Variants in ARHGAP15 observed in about 807,000 individuals in gnomAD.
ARHGAP15 encodes the protein rho GTPase-activating protein 15.
ARHGAP15 carries 51 observed loss-of-function variants against 63.7 expected under a neutral mutation model. The observed-to-expected ratio is 0.80, with a 90% CI of 0.64 to 1.01. The LOEUF (loss-of-function observed/expected upper bound fraction) is 1.01. ARHGAP15 is among the 50% of genes least tolerant of loss of function. The pLI is 0.00. For synonymous variants in ARHGAP15, 191 were observed against 193.8 expected (o/e 0.99, Z 0.12); for missense variants, 560 against 564.6 (o/e 0.99, Z 0.08).
At chr2:143,344,290 A>G (rs1366609531) in intron 6 of ARHGAP15, 1 of 152,162 alleles carries the variant, frequency 6.6e-6, no homozygotes, top group Non-Finnish European at 1.5e-5. Flanking sequence ...TGCATTTATC[A>G]AGAGCAGAAA....
At chr2:143,293,206 C>T (rs906862711) in intron 6 of ARHGAP15, among the ~76,000 whole-genome samples, 10 of 151,988 alleles carry the variant, frequency 6.6e-5, no homozygotes, top group African/African-American at 2.4e-4. Flanking sequence ...ACCCAATGGT[C>T]TCGAGAATCT....
rs73961837 is a variant in ARHGAP15 at position 143,689,464 on chromosome 2, G to A, written c.1139-13955G>A. 1.6e-3 allele frequency among the ~76,000 whole-genome samples: 236 copies of A among 152,164 alleles called. 2 individuals carry two copies. The highest frequency in any genetic ancestry group is 9.5e-3 in the South Asian group (46 of 4,822). On this transcript the variant is annotated intron_variant, in intron 12 of 13. Coordinates refer to ENST00000295095, the MANE Select transcript of ARHGAP15 (RefSeq NM_018460.4). Reference sequence around the variant, plus strand: ...CTCTGAGTTCTTTCATAGGTCAAACGTTGTTGGAAATTTTGTTATGTTTAC... The same window carrying A: ...CTCTGAGTTCTTTCATAGGTCAAACATTGTTGGAAATTTTGTTATGTTTAC...
intron 6 of ARHGAP15, among the ~76,000 whole-genome samples, chr2:143,427,022 T>A (rs184934180): frequency 8.6e-5 from 13 of 150,446 alleles, no homozygotes; most frequent in African/African-American, 3.1e-4. Context: ...CATCTAATTG[T>A]TTCAAAAAGT....
chr2:143,387,501 T>C (rs1687336644), intron 6 of ARHGAP15, among the ~76,000 whole-genome samples: 1 of 152,156 alleles, frequency 6.6e-6, no homozygotes, highest in South Asian at 2.1e-4. Flanking sequence ...CCAGGCCCTG[T>C]TGTATACTCT....
intron 6 of ARHGAP15, among the ~76,000 whole-genome samples, chr2:143,261,811 G>A (rs1680738095): frequency 6.6e-6 from 1 of 152,178 alleles, no homozygotes; most frequent in Non-Finnish European, 1.5e-5. Flanking sequence ...TTAAGAACTA[G>A]CAAGAGTGAA....
intron 1 of ARHGAP15, among the ~76,000 whole-genome samples, chr2:143,147,766 T>C (rs555411010): frequency 4.6e-5 from 7 of 152,138 alleles, no homozygotes; most frequent in African/African-American, 1.7e-4. Context: ...ATGTTCAGAG[T>C]GAAGTACCTA....
intron 3 of ARHGAP15, among the ~76,000 whole-genome samples, 166 bp downstream of exon 3, chr2:143,202,368 A>G (rs1377140322): frequency 6.6e-6 from 1 of 152,088 alleles, no homozygotes; most frequent in Non-Finnish European, 1.5e-5. Flanking sequence ...AAACGTTGCA[A>G]CAAAAGCATC....
At chr2:143,420,071 C>T (rs1282226559) in intron 6 of ARHGAP15, among the ~76,000 whole-genome samples, 6 of 151,964 alleles carry the variant, frequency 3.9e-5, no homozygotes, top group Non-Finnish European at 5.9e-5. Context: ...ACAGTACTGC[C>T]GATATAAGTT....
intron 8 of ARHGAP15, among the ~76,000 whole-genome samples, chr2:143,484,879 C>T (rs777889270): frequency 1.3e-5 from 2 of 152,110 alleles, no homozygotes; most frequent in Non-Finnish European, 2.9e-5. Context: ...AAGTCTAAAG[C>T]AGTGCTTTTC....
At chr2:143,621,449 G>A (rs1455324443) in intron 11 of ARHGAP15, among the ~76,000 whole-genome samples, 1 of 152,098 alleles carries the variant, frequency 6.6e-6, no homozygotes, top group Non-Finnish European at 1.5e-5. Context: ...TTCATGTTTA[G>A]ATAAACTACA....
chr2:143,344,136 A>G (rs1370894158), intron 6 of ARHGAP15: 2 of 151,968 alleles, frequency 1.3e-5, no homozygotes, highest in Non-Finnish European at 2.9e-5. Flanking sequence ...TCAATAACAC[A>G]CCTTTTATTC....
intron 5 of ARHGAP15, among the ~76,000 whole-genome samples, chr2:143,244,910 G>A (rs1218983445): frequency 6.6e-6 from 1 of 152,180 alleles, no homozygotes; most frequent in Non-Finnish European, 1.5e-5. Context: ...TGTGCCTTTT[G>A]ATTATGGATG....
At chr2:143,245,621 C>T (rs73962383) in intron 5 of ARHGAP15, among the ~76,000 whole-genome samples, 25,366 of 144,496 alleles carry the variant, frequency 0.18, 2,295 homozygotes, top group Middle Eastern at 0.26. Context: ...TCTTCTTCTT[C>T]TTTTTTTTTT....
At chr2:143,354,550 A>G (rs1232990628) in intron 6 of ARHGAP15, among the ~76,000 whole-genome samples, 1 of 152,138 alleles carries the variant, frequency 6.6e-6, no homozygotes, top group African/African-American at 2.4e-5. Context: ...ACAGTATTCA[A>G]TAACAAAATA....
intron 2 of ARHGAP15, among the ~76,000 whole-genome samples, chr2:143,158,926 G>A (rs981417435): frequency 6.6e-6 from 1 of 151,918 alleles, no homozygotes; most frequent in Non-Finnish European, 1.5e-5. Context: ...TAAGAGAGAT[G>A]CTCCTGCCTA....
chr2:143,387,466 C>T (rs1687334144), intron 6 of ARHGAP15, among the ~76,000 whole-genome samples: 1 of 152,074 alleles, frequency 6.6e-6, no homozygotes, highest in African/African-American at 2.4e-5. Flanking sequence ...AATATAAATA[C>T]CAATTATTGA....
intron 10 of ARHGAP15, among the ~76,000 whole-genome samples, chr2:143,551,047 T>A (rs892998111): frequency 6.6e-6 from 1 of 152,180 alleles, no homozygotes; most frequent in Non-Finnish European, 1.5e-5. Context: ...GAACTACGAA[T>A]GCACTAAGCT....
intron 6 of ARHGAP15, among the ~76,000 whole-genome samples, chr2:143,272,428 C>T (rs756842950): frequency 6.6e-6 from 1 of 151,612 alleles, no homozygotes; most frequent in Non-Finnish European, 1.5e-5. Context: ...GTCAGGAGTT[C>T]GAGACCAGCT....
chr2:143,462,801 G>A (rs1238803282), intron 8 of ARHGAP15, among the ~76,000 whole-genome samples: 2 of 152,102 alleles, frequency 1.3e-5, no homozygotes, highest in Non-Finnish European at 2.9e-5. Context: ...ATGGATGGAT[G>A]GACAGACGGA....
Sources: gnomAD v4.1 joint callset for allele counts (sites outside exome capture counted in the v4.1 genomes callset) on GRCh38, gnomAD v4.1.1 for gene constraint, MANE v1.5 for transcripts, NCBI Gene and HGNC (gene_info 2026-07-23, HGNC 2026-07-21) for gene names.